SBF2: variants seen among roughly 807,000 people sequenced by gnomAD.
SBF2 encodes the protein SET binding factor 2.
A neutral mutation model predicts 225.2 loss-of-function variants in SBF2; 112 were observed. The observed-to-expected ratio is 0.50, with a 90% CI of 0.43 to 0.58. The LOEUF (loss-of-function observed/expected upper bound fraction) is 0.58, where lower values mean the gene tolerates loss of function less well. SBF2 is among the 20% of genes least tolerant of loss of function. The pLI, the probability that SBF2 is intolerant of heterozygous loss-of-function variation, is 0.00. For missense variants in SBF2, 1,996 were observed against 2,206.2 expected, an observed-to-expected ratio of 0.90 and a Z score of 1.91; for synonymous variants, 763 against 773.3, an observed-to-expected ratio of 0.99 and a Z score of 0.22.
In SBF2 at chr11:10,273,306, C is replaced by T. The variant is rs117065946; in HGVS notation, c.55+20709G>A. 2.4e-3 allele frequency among the ~76,000 whole-genome samples: 361 copies of T among 152,154 alleles called. 2 individuals are homozygous for T. The highest frequency in any genetic ancestry group is 3.9e-3 in the Non-Finnish European group (262 of 68,008). Reference sequence around the variant, plus strand: ...AACTTAATTGCACAAGTTAAATCAGCCCAGGATCTAGATGTTTTTGAACTC... The same window carrying T: ...AACTTAATTGCACAAGTTAAATCAGTCCAGGATCTAGATGTTTTTGAACTC... On this transcript the variant is annotated intron_variant, in intron 1 of 39. Transcript: ENST00000256190.
intron 27 of SBF2, among the ~76,000 whole-genome samples, chr11:9,830,745 CA>C (rs553674434): frequency 9.3e-4 from 103 of 111,104 alleles, no homozygotes; most frequent in Middle Eastern, 9.1e-3. Context: ...AGCTCAAAAA[CA>C]AAAAAAAAAA....
intron 2 of SBF2, among the ~76,000 whole-genome samples, chr11:10,105,625 T>C (rs1157099817): frequency 2.0e-5 from 3 of 152,220 alleles, no homozygotes; most frequent in Non-Finnish European, 1.5e-5. Flanking sequence ...ATTTAGAGAA[T>C]ATCCAGTGTA....
intron 34 of SBF2, 129 bp downstream of exon 34, chr11:9,790,427 A>C (rs1852666909): frequency 6.6e-6 from 5 of 756,454 alleles, no homozygotes; most frequent in Non-Finnish European, 1.0e-5. Context: ...TCAAACTTTG[A>C]AATAGCTTTT....
intron 1 of SBF2, among the ~76,000 whole-genome samples, chr11:10,238,436 T>A (rs1190164364): frequency 6.6e-6 from 1 of 151,894 alleles, no homozygotes; most frequent in Admixed American, 6.6e-5. Context: ...AAAAATAACA[T>A]GAAAACACTA....
rs1452425631 is a variant in SBF2 at position 9,787,828 on chromosome 11, G to A, written c.4933-90C>T. The stretch of plus-strand genomic sequence containing the variant: ...CACTGCTTCTGTACTAGGCCCAGAT[G>A]AGCAGCATGGCCAGAGGGCAGTTGA... On this transcript the variant is annotated intron_variant, in intron 35 of 39. Coordinates refer to ENST00000256190, the MANE Select transcript of SBF2 (RefSeq NM_030962.4). 10 of 1,088,124 alleles carry A rather than the reference G, an allele frequency of 9.2e-6. No homozygotes were observed. The East Asian group carries it at 1.5e-4, about 16-fold the overall frequency. 67.4% of individuals were successfully genotyped at this position (1,088,124 alleles called of 1,614,324 possible).
At chr11:9,924,964 G>T (rs1863917608) in intron 16 of SBF2, among the ~76,000 whole-genome samples, 1 of 152,020 alleles carries the variant, frequency 6.6e-6, no homozygotes, top group East Asian at 1.9e-4. Flanking sequence ...GCCCAGGCTG[G>T]TCTTGAACTC....
chr11:10,149,962 G>A (rs1454503928), intron 2 of SBF2, among the ~76,000 whole-genome samples: 2 of 152,072 alleles, frequency 1.3e-5, no homozygotes, highest in South Asian at 2.1e-4. Context: ...AGTTCTAAAC[G>A]TCATGCTCAT....
intron 26 of SBF2, among the ~76,000 whole-genome samples, chr11:9,833,919 T>C (rs1358298276): frequency 2.6e-5 from 4 of 151,218 alleles, no homozygotes; most frequent in Admixed American, 6.6e-5. Flanking sequence ...TACAGGCATG[T>C]GCCACCACGC....
chr11:9,814,611 CTA>C (rs1349058944), intron 29 of SBF2, among the ~76,000 whole-genome samples: 1 of 152,014 alleles, frequency 6.6e-6, no homozygotes, highest in Non-Finnish European at 1.5e-5. Flanking sequence ...TGAATAGTGA[CTA>C]AAATAGTTAT....
chr11:9,918,899 C>T (rs1010478534), intron 16 of SBF2, among the ~76,000 whole-genome samples: 7 of 152,022 alleles, frequency 4.6e-5, no homozygotes, highest in East Asian at 1.9e-4. Flanking sequence ...CCACCACGCC[C>T]GGCTAATTTT....
chr11:9,868,820 G>A (rs148725918), intron 17 of SBF2, among the ~76,000 whole-genome samples: 2 of 152,310 alleles, frequency 1.3e-5, no homozygotes, highest in East Asian at 3.9e-4. Context: ...GTTGAATCTA[G>A]ATGCTTGATC....
intron 2 of SBF2, among the ~76,000 whole-genome samples, chr11:10,189,852 T>TAA (rs1007453389): frequency 9.2e-5 from 14 of 152,112 alleles, no homozygotes; most frequent in African/African-American, 2.9e-4. Context: ...CAGGGCATCT[T>TAA]AAAAAGGAGC....
chr11:9,929,180 C>T (rs1864289098), intron 16 of SBF2: 1 of 212,202 alleles, frequency 4.7e-6, no homozygotes, highest in Non-Finnish European at 9.4e-6. Context: ...TCACCATTGA[C>T]CATTCTATGG....
chr11:9,991,793 A>AT (rs1211144114), intron 12 of SBF2, among the ~76,000 whole-genome samples: 1 of 152,114 alleles, frequency 6.6e-6, no homozygotes, highest in East Asian at 1.9e-4. Flanking sequence ...CATATATTTA[A>AT]TGTCTCCTAA....
chr11:10,159,465 A>T (rs1955625580), intron 2 of SBF2, among the ~76,000 whole-genome samples: 1 of 152,194 alleles, frequency 6.6e-6, no homozygotes, highest in Non-Finnish European at 1.5e-5. Context: ...CACCACTCAG[A>T]TCAATAAACT....
In SBF2 at chr11:9,808,070, C is replaced by A; in HGVS notation, c.4373G>T (p.Ser1458Ile). The A allele has an allele frequency of 6.2e-7, 1 of 1,614,202 alleles. No individual in the cohort carries two copies. Among genetic ancestry groups the A allele is most frequent in the Non-Finnish European group, 8.5e-7 (1 of 1,180,030 alleles). ...SFGHKFSQRS[S>I]LTLNCQGSGF... ...ACTCCCCTGACAGTTGAGGGTCAAG[C>A]TGCTCCTCTGACTGAATTTGTGACC... Residue 1458 changes from serine (S) to isoleucine (I), a missense_variant, in exon 32 of 40, where the codon AGC becomes ATC. Transcript: ENST00000256190.
At chr11:9,887,444 G>A (rs937476838) in intron 17 of SBF2, among the ~76,000 whole-genome samples, 1 of 152,008 alleles carries the variant, frequency 6.6e-6, no homozygotes, top group African/African-American at 2.4e-5. Flanking sequence ...GGAGCAGTAG[G>A]ATAGAGGAAC....
chr11:10,144,665 A>G (rs1954807030), intron 2 of SBF2, among the ~76,000 whole-genome samples: 1 of 152,240 alleles, frequency 6.6e-6, no homozygotes, highest in Admixed American at 6.5e-5. Context: ...AACACATTCT[A>G]GGAAGTTGAG....
chr11:9,925,209 T>A (rs1459800693), intron 16 of SBF2, among the ~76,000 whole-genome samples: 1 of 152,118 alleles, frequency 6.6e-6, no homozygotes, highest in African/African-American at 2.4e-5. Context: ...CAGGTAAAAT[T>A]AAATATATTT....
Sources: allele counts gnomAD v4.1 joint callset (sites outside exome capture counted in the v4.1 genomes callset), GRCh38; gene constraint gnomAD v4.1.1; transcripts MANE v1.5; gene names NCBI Gene and HGNC (gene_info 2026-07-23, HGNC 2026-07-21).